The following TTLL5 variants were observed in gnomAD, a reference collection of about 807,000 sequenced individuals.
TTLL5 encodes tubulin polyglutamylase TTLL5.
In TTLL5, 132 loss-of-function variants were observed where a neutral mutation model predicts 168.4. The ratio of observed to expected loss-of-function variants is 0.78; its 90% CI spans 0.68 to 0.91. The LOEUF is 0.91. Ranked by LOEUF, TTLL5 falls within the 40% of genes least tolerant of loss-of-function variation. TTLL5 has a pLI of 0.00. For missense variants in TTLL5, 1,545 were observed against 1,581.5 expected, an observed-to-expected ratio of 0.98 and a Z score of 0.39; for synonymous variants, 546 against 558.6, an observed-to-expected ratio of 0.98 and a Z score of 0.32.
chr14:75,724,886 A>G (rs868335208), intron 12 of TTLL5, among the ~76,000 whole-genome samples: 7 of 152,222 alleles, frequency 4.6e-5, no homozygotes, highest in Admixed American at 3.9e-4. Context: ...GGCTATGAGA[A>G]TAGCTTTTGG....
At chr14:75,900,683 G>C (rs1363827488) in intron 30 of TTLL5, among the ~76,000 whole-genome samples, 1 of 152,124 alleles carries the variant, frequency 6.6e-6, no homozygotes, top group Non-Finnish European at 1.5e-5. Context: ...TTCTGCCTCA[G>C]AGTCATTATA....
At chr14:75,888,604 C>G (rs566304684) in intron 30 of TTLL5, among the ~76,000 whole-genome samples, 1 of 152,176 alleles carries the variant, frequency 6.6e-6, no homozygotes, top group East Asian at 1.9e-4. Context: ...TGGGGCCTGG[C>G]AATAGGTGGT....
intron 12 of TTLL5, among the ~76,000 whole-genome samples, chr14:75,723,962 T>TC (rs773519066): frequency 2.0e-4 from 31 of 152,054 alleles, no homozygotes; most frequent in Non-Finnish European, 3.4e-4. Flanking sequence ...AGTCTCTGCC[T>TC]CCCACTGACT....
At chr14:75,823,534 G>T (rs1344086531) in intron 28 of TTLL5, among the ~76,000 whole-genome samples, 2 of 152,170 alleles carry the variant, frequency 1.3e-5, no homozygotes, top group African/African-American at 2.4e-5. Flanking sequence ...GCCCTTCCTT[G>T]TGGATCGAGC....
chr14:75,802,284 C>T (rs536714895), intron 27 of TTLL5, among the ~76,000 whole-genome samples: 2 of 152,098 alleles, frequency 1.3e-5, no homozygotes, highest in South Asian at 2.1e-4. Flanking sequence ...TTTTCATTCA[C>T]TCTTGGTATT....
chr14:75,835,092 C>T (rs1041302364), intron 28 of TTLL5, among the ~76,000 whole-genome samples: 16 of 151,958 alleles, frequency 1.1e-4, no homozygotes, highest in African/African-American at 3.9e-4. Flanking sequence ...AACAAACAAA[C>T]AAAACAATTT....
intron 12 of TTLL5, among the ~76,000 whole-genome samples, chr14:75,726,854 A>T (rs1888216928): frequency 6.6e-6 from 1 of 152,178 alleles, no homozygotes; most frequent in African/African-American, 2.4e-5. Flanking sequence ...GAGCGATAGG[A>T]TTATTATTAT....
At chr14:75,930,318 A>G (rs1566665634) in intron 31 of TTLL5, among the ~76,000 whole-genome samples, 5 of 152,226 alleles carry the variant, frequency 3.3e-5, no homozygotes, top group Non-Finnish European at 7.3e-5. Flanking sequence ...GTTGACAGAT[A>G]CTAGCACAGG....
intron 17 of TTLL5, among the ~76,000 whole-genome samples, chr14:75,749,959 A>G (rs1889847894): frequency 6.6e-6 from 1 of 152,196 alleles, no homozygotes; most frequent in Non-Finnish European, 1.5e-5. Flanking sequence ...TCCTAATAAT[A>G]ATCTTAATAA....
At chr14:75,943,220 G>A (rs1262538692) in intron 31 of TTLL5, among the ~76,000 whole-genome samples, 1 of 152,156 alleles carries the variant, frequency 6.6e-6, no homozygotes, top group African/African-American at 2.4e-5. Flanking sequence ...CCAGGCAGGA[G>A]TTAGGATTGA....
intron 12 of TTLL5, among the ~76,000 whole-genome samples, chr14:75,722,784 G>A (rs1887926223): frequency 6.6e-6 from 1 of 152,110 alleles, no homozygotes; most frequent in Admixed American, 6.5e-5. Context: ...CCCAAATACT[G>A]GGCTTACAGG....
rs77671424 is a variant in TTLL5 at position 75,913,114 on chromosome 14, G to A, written c.3823+10890G>A. On this transcript the variant is annotated intron_variant, in intron 31 of 31. Transcript: ENST00000298832. ...CTTTTATCTTACTGTTTGAAGATGCGTCTATTAATATATGCTTGGGAAAGC... is the reference window on the plus strand; with the variant it reads ...CTTTTATCTTACTGTTTGAAGATGCATCTATTAATATATGCTTGGGAAAGC... Among the ~76,000 whole-genome samples, 1,013 of 152,290 alleles carry A rather than the reference G, an allele frequency of 6.7e-3. 12 individuals are homozygous for A. Among genetic ancestry groups the A allele is most frequent in the African/African-American group, 0.023 (967 of 41,558 alleles).
intron 18 of TTLL5, among the ~76,000 whole-genome samples, chr14:75,755,744 G>A (rs2140279397): frequency 1.3e-5 from 2 of 152,214 alleles, no homozygotes; most frequent in Middle Eastern, 6.8e-3. Flanking sequence ...CAATAAATCT[G>A]TTCTCTCATC....
chr14:75,911,177 G>A (rs936018850), intron 31 of TTLL5, among the ~76,000 whole-genome samples: 10 of 152,060 alleles, frequency 6.6e-5, no homozygotes, highest in Admixed American at 1.3e-4. Context: ...ACCGGCATGC[G>A]CCACCATGCA....
chr14:75,902,034 G>A, intron 30 of TTLL5, 108 bp from the exon 31 acceptor site: 1 of 886,462 alleles, frequency 1.1e-6, no homozygotes, highest in South Asian at 1.4e-5. Flanking sequence ...GTGAGTGAAT[G>A]AGCCACAGGA....
At chr14:75,773,359 T>C (rs1891461114) in intron 21 of TTLL5, among the ~76,000 whole-genome samples, 1 of 151,992 alleles carries the variant, frequency 6.6e-6, no homozygotes, top group Admixed American at 6.6e-5. Flanking sequence ...GACAGCAGAG[T>C]AGAACTATGA....
At chr14:75,725,148 T>C (rs1353424177) in intron 12 of TTLL5, among the ~76,000 whole-genome samples, 1 of 152,210 alleles carries the variant, frequency 6.6e-6, no homozygotes, top group African/African-American at 2.4e-5. Context: ...TGACGATACC[T>C]GGTTTGGTTT....
At chr14:75,720,522 T>G in intron 11 of TTLL5, 74 bp from the exon 12 acceptor site, 2 of 1,116,208 alleles carry the variant, frequency 1.8e-6, no homozygotes, top group Non-Finnish European at 2.7e-6. Flanking sequence ...TATAGTTATA[T>G]TGTTATCTGG....
intron 6 of TTLL5, among the ~76,000 whole-genome samples, chr14:75,695,269 G>A (rs1885756421): frequency 6.6e-6 from 1 of 152,194 alleles, no homozygotes; most frequent in Non-Finnish European, 1.5e-5. Flanking sequence ...GCGCTCCCAG[G>A]CCTATTAGGA....
Sources: allele counts gnomAD v4.1 joint callset (sites outside exome capture counted in the v4.1 genomes callset), GRCh38; gene constraint gnomAD v4.1.1; transcripts MANE v1.5; gene names NCBI Gene and HGNC (gene_info 2026-07-23, HGNC 2026-07-21).